NSUN7: variants seen among roughly 807,000 people sequenced by gnomAD.
The protein encoded by NSUN7 is protein NSUN7.
A neutral mutation model predicts 58.5 loss-of-function variants in NSUN7; 39 were observed. That is an observed-to-expected ratio of 0.67 (90% CI 0.52 to 0.87). The LOEUF (loss-of-function observed/expected upper bound fraction) is 0.87, where lower values mean the gene tolerates loss of function less well. Ranked by LOEUF, NSUN7 falls within the 40% of genes least tolerant of loss-of-function variation. NSUN7 has a pLI of 0.00. For missense variants in NSUN7, 765 were observed against 844.1 expected, an observed-to-expected ratio of 0.91 and a Z score of 1.16; for synonymous variants, 278 against 303.7, an observed-to-expected ratio of 0.92 and a Z score of 0.88.
chr4:40,785,561 A>G lies in NSUN7; in HGVS notation c.1037-5041A>G, dbSNP rs139906028. ...TTTTTAGTAGAGATAGGGTTTCACCATGTTGGCCAGGCTGGTTGTGAACTC... is the reference window on the plus strand; with the variant it reads ...TTTTTAGTAGAGATAGGGTTTCACCGTGTTGGCCAGGCTGGTTGTGAACTC... On this transcript the variant is annotated intron_variant, in intron 7 of 11. Coordinates refer to ENST00000381782, the MANE Select transcript of NSUN7 (RefSeq NM_024677.6). Among the ~76,000 whole-genome samples, 578 of 152,100 alleles carry G rather than the reference A, an allele frequency of 3.8e-3. 6 individuals carry two copies. The highest frequency in any genetic ancestry group is 0.013 in the African/African-American group (544 of 41,486).
At chr4:40,766,320 T>C (rs1233879269) in intron 4 of NSUN7, among the ~76,000 whole-genome samples, 2 of 151,912 alleles carry the variant, frequency 1.3e-5, no homozygotes, top group Non-Finnish European at 2.9e-5. Flanking sequence ...AAAGGCCTTT[T>C]CTGCATCTAT....
intron 8 of NSUN7, 124 bp downstream of exon 8, chr4:40,790,869 GTACT>G: frequency 1.4e-6 from 1 of 720,702 alleles, no homozygotes; most frequent in Non-Finnish European, 2.2e-6. Context: ...CACATATAAA[GTACT>G]TACTATGTAT....
At chr4:40,792,668 T>C (rs112587773) in intron 8 of NSUN7, among the ~76,000 whole-genome samples, 1 of 152,136 alleles carries the variant, frequency 6.6e-6, no homozygotes, top group East Asian at 1.9e-4. Flanking sequence ...GGAGAATGGC[T>C]TGAACCCCGG....
At chr4:40,804,351 A>T (rs1743727871) in intron 10 of NSUN7, among the ~76,000 whole-genome samples, 2 of 151,898 alleles carry the variant, frequency 1.3e-5, no homozygotes, top group Non-Finnish European at 2.9e-5. Flanking sequence ...GAGGCAGGAG[A>T]ATCGCTTGAA....
At chr4:40,793,551 C>T (rs772022067) in intron 8 of NSUN7, among the ~76,000 whole-genome samples, 4 of 152,096 alleles carry the variant, frequency 2.6e-5, no homozygotes, top group Non-Finnish European at 5.9e-5. Context: ...AGTGATAGTA[C>T]TGGAATGGGC....
intron 10 of NSUN7, among the ~76,000 whole-genome samples, chr4:40,804,989 G>A (rs1290417267): frequency 1.3e-5 from 2 of 151,940 alleles, no homozygotes; most frequent in African/African-American, 4.8e-5. Context: ...GTACTTTTGG[G>A]ACCCTCCTCT....
At chr4:40,762,524 G>A (rs1741508145) in intron 4 of NSUN7, 1 of 152,194 alleles carries the variant, frequency 6.6e-6, no homozygotes, top group Non-Finnish European at 1.5e-5. Context: ...CACTTAATAT[G>A]TGTTAGCCAC....
chr4:40,769,240 T>C (rs1741884123), intron 4 of NSUN7, among the ~76,000 whole-genome samples: 1 of 152,250 alleles, frequency 6.6e-6, no homozygotes, highest in Non-Finnish European at 1.5e-5. Flanking sequence ...ACTCTCACTT[T>C]CCTGCAATCT....
chr4:40,750,645 C>T lies in NSUN7; in HGVS notation c.-49C>T. The T allele has an allele frequency of 7.6e-6, 12 of 1,588,096 alleles. No individual in the cohort carries two copies. The highest frequency in any genetic ancestry group is 1.0e-5 in the Non-Finnish European group (12 of 1,165,436). ...CGAGGAAAGCCGTTTCCTGGAACATCGGAATTCTAACCCCAGGGTGAAGGA... is the reference window on the plus strand; with the variant it reads ...CGAGGAAAGCCGTTTCCTGGAACATTGGAATTCTAACCCCAGGGTGAAGGA... On this transcript the variant is annotated 5_prime_UTR_variant, in exon 2 of 12. Coordinates refer to ENST00000381782, the MANE Select transcript of NSUN7 (RefSeq NM_024677.6).
intron 2 of NSUN7, among the ~76,000 whole-genome samples, chr4:40,752,885 C>T (rs908407515): frequency 1.7e-4 from 2 of 11,454 alleles, no homozygotes; most frequent in Admixed American, 2.6e-3. Flanking sequence ...TTAAGTCCGT[C>T]TTAACCATTC....
At chr4:40,786,126 A>G in intron 7 of NSUN7, 3 of 1,577,860 alleles carry the variant, frequency 1.9e-6, no homozygotes, top group South Asian at 1.2e-5. Context: ...GGAATGGGCT[A>G]TCAGACCAGA....
chr4:40,750,528 G>A (rs2154286141), intron 1 of NSUN7, 75 bp from the exon 2 acceptor site: 1 of 704,600 alleles, frequency 1.4e-6, no homozygotes, highest in East Asian at 2.8e-5. Flanking sequence ...AGTCTTTAAG[G>A]CCACAACGAA....
At chr4:40,776,014 C>A (rs1742243200) in intron 6 of NSUN7, 35 bp from the exon 7 acceptor site, 19 of 1,332,088 alleles carry the variant, frequency 1.4e-5, no homozygotes, top group Non-Finnish European at 2.0e-5. Flanking sequence ...TCTAGCCATA[C>A]CCTTTGAAAT....
intron 9 of NSUN7, among the ~76,000 whole-genome samples, chr4:40,794,888 G>A (rs1225520875): frequency 1.3e-5 from 2 of 152,142 alleles, no homozygotes; most frequent in African/African-American, 2.4e-5. Flanking sequence ...GCTAAGTAGA[G>A]AACAGAGAGG....
In NSUN7 at chr4:40,750,746, TC is replaced by T; in HGVS notation, c.54del (p.Ile19SerfsTer49). The T allele has an allele frequency of 4.3e-6, 7 of 1,614,074 alleles. No homozygotes were observed. Among genetic ancestry groups the T allele is most frequent in the Non-Finnish European group, 5.9e-6 (7 of 1,180,002 alleles). ...TTTTCGAACGAAGAAGATCCCGAGA[TC>T]ATCTCCCAACTCACTTCCCTGCCTC... ...LEFSNEEDPEIISQLTSLPLS... is the reference protein window; with the variant it reads ...LEFSNEEDPEXISQLTSLPLS... On this transcript the variant is annotated frameshift_variant, in exon 2 of 12. Coordinates refer to ENST00000381782, the MANE Select transcript of NSUN7 (RefSeq NM_024677.6). LOFTEE classifies it high-confidence loss of function.
rs1312105673 is a variant in NSUN7 at position 40,807,062 on chromosome 4, C to G, written c.1402C>G (p.Leu468Val). The G allele has an allele frequency of 6.4e-7, 1 of 1,551,488 alleles. No homozygotes were observed. Among genetic ancestry groups the G allele is most frequent in the South Asian group, 1.2e-5 (1 of 83,902 alleles). Residue 468 changes from leucine (L) to valine (V), a missense_variant and splice_region_variant, in exon 11 of 12, where the codon CTT (leucine) becomes GTT (valine). Leu to Val is a conservative substitution (Grantham distance 32). Coordinates refer to ENST00000381782, the MANE Select transcript of NSUN7 (RefSeq NM_024677.6). ...DLGNKGQPYR[L>V]SPPVLPLCSL... ...AATGCTTGTTCCTGTCTGCTGCAGGCTTAGTCCTCCTGTTCTTCCACTGTG... is the reference window on the plus strand; with the variant it reads ...AATGCTTGTTCCTGTCTGCTGCAGGGTTAGTCCTCCTGTTCTTCCACTGTG...
chr4:40,793,527 TTTAA>T (rs1291796133), intron 8 of NSUN7, among the ~76,000 whole-genome samples: 3 of 151,676 alleles, frequency 2.0e-5, no homozygotes, highest in African/African-American at 4.8e-5. Context: ...AGAAATGGAG[TTTAA>T]TTAACCTTTA....
rs746948491 is a variant in NSUN7, at chr4:40,776,063, T to C, written c.840T>C (p.Ser280=). ...TTATCTTACAGGACAAATCTCGAAG[T>C]CTTGCTGTCCATTCTGTAAAGGCTT... ...YKLIFQDKSR[S]LAVHSVKALL... The change falls in exon 7 of 12, where the codon AGT becomes AGC. Residue 280 remains serine (S), a synonymous_variant. Transcript: ENST00000381782. The C allele has an allele frequency of 6.2e-7, 1 of 1,601,426 alleles. No homozygotes were observed. The highest frequency in any genetic ancestry group is 8.5e-7 in the Non-Finnish European group (1 of 1,173,400).
chr4:40,808,729 C>G lies in NSUN7; in HGVS notation c.1947C>G (p.Ile649Met). The G allele has an allele frequency of 6.4e-7, 1 of 1,550,728 alleles. No individual in the cohort carries two copies. Among genetic ancestry groups the G allele is most frequent in the African/African-American group, 1.4e-5 (1 of 72,638 alleles). Residue 649 changes from isoleucine (I) to methionine (M), a missense_variant, in exon 12 of 12, where the codon ATC becomes ATG. Ile to Met is a conservative substitution (Grantham distance 10). Coordinates refer to ENST00000381782, the MANE Select transcript of NSUN7 (RefSeq NM_024677.6). ...PEDRMVALKP[I>M]KIVLPPVFMP... is the part of the protein sequence containing the mutation. ...ACAGAATGGTTGCTCTGAAACCCAT[C>G]AAGATTGTTCTGCCTCCAGTCTTTA...
Sources: allele counts gnomAD v4.1 joint callset (sites outside exome capture counted in the v4.1 genomes callset), GRCh38; gene constraint gnomAD v4.1.1; transcripts MANE v1.5; gene names NCBI Gene and HGNC (gene_info 2026-07-23, HGNC 2026-07-21).